The following BMAL1 variants were observed in gnomAD, a reference collection of about 807,000 sequenced individuals.
BMAL1 encodes basic helix-loop-helix ARNT like 1, also known as basic helix-loop-helix ARNT-like protein 1.
the BMAL1 span, chr11:13,380,466 G>C: frequency 6.6e-6 from 1 of 152,184 alleles, no homozygotes; most frequent in Non-Finnish European, 1.5e-5. Context: ...TCTTTCCTGA[G>C]GTCCTTCAGC....
chr11:13,284,258 ATATATATATTT>A, the BMAL1 span, among the ~76,000 whole-genome samples: 9 of 24,344 alleles, frequency 3.7e-4, 2 homozygotes, highest in African/African-American at 1.7e-3. Context: ...ATATATATAT[ATATATATATTT>A]TTTTTTTTAA....
the BMAL1 span, chr11:13,356,248 C>T: frequency 1.1e-5 from 5 of 457,146 alleles, no homozygotes; most frequent in Admixed American, 2.4e-5. Flanking sequence ...CTGCTCAGTA[C>T]TTTGTTGGTA....
chr11:13,324,524 C>T, the BMAL1 span, among the ~76,000 whole-genome samples: 1 of 152,218 alleles, frequency 6.6e-6, no homozygotes, highest in Non-Finnish European at 1.5e-5. Flanking sequence ...GAAAAAGCAC[C>T]GTTCTGCCCC....
At chr11:13,328,515 C>T in the BMAL1 span, among the ~76,000 whole-genome samples, 20 of 152,228 alleles carry the variant, frequency 1.3e-4, no homozygotes, top group African/African-American at 3.9e-4. Context: ...TCACTGGTGC[C>T]GATGGCCCCT....
At chr11:13,371,091 C>T in the BMAL1 span, among the ~76,000 whole-genome samples, 1 of 152,172 alleles carries the variant, frequency 6.6e-6, no homozygotes, top group African/African-American at 2.4e-5. Context: ...AAGTCTGTCT[C>T]CCCCACTAGG....
the BMAL1 span, among the ~76,000 whole-genome samples, chr11:13,325,196 T>C: frequency 0.012 from 1,796 of 152,334 alleles, 10 homozygotes; most frequent in African/African-American, 0.023. Flanking sequence ...AGCCCTGGGA[T>C]GCATGTTCTC....
chr11:13,386,401 C>T, the BMAL1 span, among the ~76,000 whole-genome samples: 5 of 152,022 alleles, frequency 3.3e-5, no homozygotes, highest in African/African-American at 7.2e-5. Flanking sequence ...TTATTTCTTA[C>T]GTATTTTTAA....
At chr11:13,333,750 C>T in the BMAL1 span, among the ~76,000 whole-genome samples, 1 of 152,250 alleles carries the variant, frequency 6.6e-6, no homozygotes, top group East Asian at 1.9e-4. Context: ...TAAAAATCCT[C>T]CTTTATTCTG....
At chr11:13,331,918 A>T in the BMAL1 span, among the ~76,000 whole-genome samples, 1 of 152,182 alleles carries the variant, frequency 6.6e-6, no homozygotes, top group East Asian at 1.9e-4. Flanking sequence ...TTGGGATACC[A>T]AAGGCCAGCG....
the BMAL1 span, among the ~76,000 whole-genome samples, chr11:13,286,559 C>G: frequency 6.6e-6 from 1 of 152,202 alleles, no homozygotes; most frequent in Non-Finnish European, 1.5e-5. Flanking sequence ...GTTGTTCAAA[C>G]CTGCCCTCAA....
At chr11:13,291,666 G>A in the BMAL1 span, among the ~76,000 whole-genome samples, 140,757 of 152,260 alleles carry the variant, frequency 0.92, 65,519 homozygotes, top group East Asian at 1. Context: ...CTCTATTGAA[G>A]TTCTTAAATA....
At chr11:13,362,252 T>A in the BMAL1 span, among the ~76,000 whole-genome samples, 29 of 152,356 alleles carry the variant, frequency 1.9e-4, no homozygotes, top group Non-Finnish European at 4.0e-4. Flanking sequence ...TGATTAGTAC[T>A]GTATCATTTG....
At chr11:13,328,491 C>T in the BMAL1 span, among the ~76,000 whole-genome samples, 1 of 152,122 alleles carries the variant, frequency 6.6e-6, no homozygotes, top group Non-Finnish European at 1.5e-5. Context: ...ATCCAGCAGC[C>T]GTAGGCATGA....
At chr11:13,361,863 A>G in the BMAL1 span, among the ~76,000 whole-genome samples, 2 of 149,888 alleles carry the variant, frequency 1.3e-5, no homozygotes, top group Non-Finnish European at 3.0e-5. Flanking sequence ...CCCACTGTAA[A>G]AACAGGGGTA....
At chr11:13,301,957 A>G in the BMAL1 span, among the ~76,000 whole-genome samples, 8 of 152,344 alleles carry the variant, frequency 5.3e-5, no homozygotes, top group South Asian at 1.5e-3. Flanking sequence ...GCTTACGACC[A>G]TGAAGCTGTC....
the BMAL1 span, among the ~76,000 whole-genome samples, chr11:13,324,029 T>C: frequency 2.9e-4 from 44 of 152,360 alleles, no homozygotes; most frequent in African/African-American, 1.0e-3. Context: ...AACATATCTG[T>C]CATTTCAAAC....
the BMAL1 span, among the ~76,000 whole-genome samples, chr11:13,343,184 C>A: frequency 6.6e-6 from 1 of 152,202 alleles, no homozygotes; most frequent in Non-Finnish European, 1.5e-5. Flanking sequence ...ACCCTAGGCA[C>A]TCATACATGA....
At chr11:13,302,874 T>C in the BMAL1 span, among the ~76,000 whole-genome samples, 1 of 152,186 alleles carries the variant, frequency 6.6e-6, no homozygotes, top group African/African-American at 2.4e-5. Flanking sequence ...CTTGATTTCT[T>C]CCGGAAGAGT....
chr11:13,384,592 ACT>A, the BMAL1 span, among the ~76,000 whole-genome samples: 1 of 152,202 alleles, frequency 6.6e-6, no homozygotes, highest in South Asian at 2.1e-4. Flanking sequence ...CCCTTTTCCA[ACT>A]ACTTATCTGT....
Sources: gnomAD v4.1 joint callset for allele counts (sites outside exome capture counted in the v4.1 genomes callset) on GRCh38, gnomAD v4.1.1 for gene constraint, MANE v1.5 for transcripts, NCBI Gene and HGNC (gene_info 2026-07-23, HGNC 2026-07-21) for gene names.